Variants in DAAM1 observed in about 807,000 individuals in gnomAD.
DAAM1 encodes dishevelled associated activator of morphogenesis 1.
In DAAM1, 52 loss-of-function variants were observed where a neutral mutation model predicts 130.0. The ratio of observed to expected loss-of-function variants is 0.40; its 90% CI spans 0.32 to 0.50. The LOEUF is 0.50. Among genes scored for constraint, DAAM1 ranks in the 20% least tolerant of loss-of-function variants. DAAM1 has a pLI of 0.61. For missense variants in DAAM1, 1,134 were observed against 1,303.8 expected (o/e 0.87, Z 2.01); for synonymous variants, 452 against 444.5 (o/e 1.02, Z -0.21).
intron 2 of DAAM1, among the ~76,000 whole-genome samples, chr14:59,280,986 A>G (rs1883190669): frequency 6.6e-6 from 1 of 152,160 alleles, no homozygotes; most frequent in South Asian, 2.1e-4. Flanking sequence ...TTAGCCCTTC[A>G]GAATGCAAAT....
At position 59,283,301 on chromosome 14, in the gene DAAM1, T is replaced by G. The variant is rs1334067732; in HGVS notation, c.184-7916T>G. ...TCACCATTATTTTCCCATTCATCAA[T>G]AGTTAAGTGCAGGTATGAATAACAG... is the stretch of plus-strand genomic sequence containing the variant. On this transcript the variant is annotated intron_variant, in intron 2 of 24. Coordinates refer to ENST00000360909, the MANE Select transcript of DAAM1 (RefSeq NM_001270520.2). 2.6e-5 allele frequency among the ~76,000 whole-genome samples: 4 copies of G among 152,158 alleles called. No individual in the cohort carries two copies. In the East Asian group the frequency reaches 7.7e-4, roughly 29 times the overall value.
chr14:59,294,991 G>A (rs1443468531), intron 3 of DAAM1, among the ~76,000 whole-genome samples: 7 of 152,246 alleles, frequency 4.6e-5, no homozygotes, highest in Non-Finnish European at 1.0e-4. Context: ...AGAAGCAAAT[G>A]TACAAGTTGT....
intron 1 of DAAM1, among the ~76,000 whole-genome samples, chr14:59,235,492 C>G (rs565575559): frequency 3.3e-4 from 50 of 151,954 alleles, no homozygotes; most frequent in African/African-American, 1.1e-3. Flanking sequence ...TGGTGATATC[C>G]CCTTTATCAT....
At position 59,368,904 on chromosome 14, in the gene DAAM1, T is replaced by G. The variant is rs199921625; in HGVS notation, c.*45T>G. 2.5e-4 allele frequency: 388 copies of G among 1,573,686 alleles called. 1 individual carries two copies. In the African/African-American group the frequency reaches 4.8e-3, roughly 20 times the overall value. On this transcript the variant is annotated 3_prime_UTR_variant, in exon 25 of 25. Coordinates refer to ENST00000360909, the MANE Select transcript of DAAM1 (RefSeq NM_001270520.2). ...TTTAGAAAGCTCATTAGCAGCCCTC[T>G]AAAGTGACTAGAACGTTTCATTACA...
At chr14:59,278,213 T>C (rs914157133) in intron 2 of DAAM1, among the ~76,000 whole-genome samples, 17 of 152,166 alleles carry the variant, frequency 1.1e-4, no homozygotes, top group Admixed American at 1.1e-3. Flanking sequence ...GTGAATGACA[T>C]AGGCATCACG....
rs934205730 is a variant in DAAM1 at position 59,355,482 on chromosome 14, T to C, written c.2525+149T>C. 20 of 984,220 alleles carry C rather than the reference T, an allele frequency of 2.0e-5. 1 individual carries two copies. The East Asian group carries it at 2.2e-4, about 11-fold the overall frequency. 61.0% of individuals were successfully genotyped at this position (984,220 alleles called of 1,614,324 possible). A position where few individuals can be genotyped will look rare whatever the true frequency, so the allele number is the denominator to read the frequency against. ...CACTACTTTCTTCCCTTCTCTGACATTGACTCTTCTCTAAACCTCTCTCAT... is the reference window on the plus strand; with the variant it reads ...CACTACTTTCTTCCCTTCTCTGACACTGACTCTTCTCTAAACCTCTCTCAT... On this transcript the variant is annotated intron_variant, in intron 20 of 24. Coordinates refer to ENST00000360909, the MANE Select transcript of DAAM1 (RefSeq NM_001270520.2).
At chr14:59,262,346 TAGAC>T (rs1016191271) in intron 1 of DAAM1, among the ~76,000 whole-genome samples, 6 of 152,170 alleles carry the variant, frequency 3.9e-5, no homozygotes, top group African/African-American at 1.4e-4. Flanking sequence ...GTTTTTTCAA[TAGAC>T]AGTATCAACT....
At chr14:59,311,979 G>A (rs1254771849) in intron 3 of DAAM1, among the ~76,000 whole-genome samples, 1 of 152,186 alleles carries the variant, frequency 6.6e-6, no homozygotes, top group Non-Finnish European at 1.5e-5. Flanking sequence ...GATTACAGGT[G>A]TGAGCCACTG....
At chr14:59,302,011 G>A (rs1005754778) in intron 3 of DAAM1, among the ~76,000 whole-genome samples, 8 of 152,178 alleles carry the variant, frequency 5.3e-5, no homozygotes, top group Non-Finnish European at 1.0e-4. Flanking sequence ...TTTAAAGAGA[G>A]TGCCAACATG....
chr14:59,284,623 C>T (rs1041667517), intron 2 of DAAM1, among the ~76,000 whole-genome samples: 4 of 151,928 alleles, frequency 2.6e-5, no homozygotes, highest in Non-Finnish European at 4.4e-5. Context: ...TAAGAAAGAA[C>T]CAAACTGAAC....
At chr14:59,283,541 C>T in intron 2 of DAAM1, among the ~76,000 whole-genome samples, 1 of 152,046 alleles carries the variant, frequency 6.6e-6, no homozygotes, top group Admixed American at 6.6e-5. Flanking sequence ...AACTGTTTAC[C>T]TTGCCCTTGA....
At chr14:59,210,650 C>T (rs1184967776) in intron 1 of DAAM1, among the ~76,000 whole-genome samples, 1 of 152,194 alleles carries the variant, frequency 6.6e-6, no homozygotes, top group African/African-American at 2.4e-5. Flanking sequence ...AGGGAAACCT[C>T]AGGCTAGCTT....
intron 1 of DAAM1, among the ~76,000 whole-genome samples, chr14:59,218,260 A>G (rs1888655494): frequency 6.6e-6 from 1 of 152,206 alleles, no homozygotes; most frequent in Admixed American, 6.5e-5. Context: ...TGCCATCATC[A>G]CAGAAACTTT....
intron 2 of DAAM1, among the ~76,000 whole-genome samples, chr14:59,277,778 T>C (rs1226722154): frequency 6.6e-6 from 1 of 152,108 alleles, no homozygotes; most frequent in Non-Finnish European, 1.5e-5. Context: ...AAGATTTAGA[T>C]TCTATACTCA....
chr14:59,242,939 T>G (rs1881194341), intron 1 of DAAM1, among the ~76,000 whole-genome samples: 1 of 152,170 alleles, frequency 6.6e-6, no homozygotes, highest in Non-Finnish European at 1.5e-5. Flanking sequence ...TAGAAGGTAC[T>G]CAGTAAATAT....
chr14:59,201,514 C>T (rs1370384493), intron 1 of DAAM1, among the ~76,000 whole-genome samples: 2 of 151,958 alleles, frequency 1.3e-5, no homozygotes, highest in Non-Finnish European at 2.9e-5. Context: ...ACTCGGGAGG[C>T]TGAGGCAGGA....
At chr14:59,340,461 GA>G (rs1885801264) in intron 16 of DAAM1, among the ~76,000 whole-genome samples, 1 of 152,102 alleles carries the variant, frequency 6.6e-6, no homozygotes, top group African/African-American at 2.4e-5. Context: ...CTGTAACATC[GA>G]CTTGACTTTT....
intron 17 of DAAM1, among the ~76,000 whole-genome samples, chr14:59,348,375 A>G (rs1261281642): frequency 6.6e-6 from 1 of 152,164 alleles, no homozygotes; most frequent in Admixed American, 6.5e-5. Context: ...GTCCCCAAAT[A>G]ACAATGTTGT....
rs1166170856 is a variant in DAAM1, at chr14:59,368,791, C to T, written c.3139C>T (p.Arg1047Cys). The T allele has an allele frequency of 5.6e-6, 9 of 1,613,782 alleles. No homozygotes were observed. Among genetic ancestry groups the T allele is most frequent in the Non-Finnish European group, 7.6e-6 (9 of 1,179,942 alleles). The part of the protein sequence containing the change: ...DKDLSKLKRN[R>C]KRITNQMTDS... Reference sequence around the variant, plus strand: ...AGACCTTTCTAAATTGAAACGGAATCGCAAACGTATTACCAACCAGATGAC... The same window carrying T: ...AGACCTTTCTAAATTGAAACGGAATTGCAAACGTATTACCAACCAGATGAC... Residue 1047 changes from arginine to cysteine, a missense_variant, in exon 25 of 25, where the codon CGC (arginine) becomes TGC (cysteine). Arg to Cys is a radical substitution (Grantham distance 180, BLOSUM62 -3). Around this residue, in one of 3 missense-constraint regions of DAAM1, gnomAD observed 644 missense variants for 695.9 expected, o/e 0.93. Transcript: ENST00000360909.
Sources: gnomAD v4.1 joint callset for allele counts (sites outside exome capture counted in the v4.1 genomes callset) on GRCh38, gnomAD v4.1.1 for gene constraint, gnomAD v4.1.1 regional missense constraint, MANE v1.5 for transcripts, NCBI Gene and HGNC (gene_info 2026-07-23, HGNC 2026-07-21) for gene names.